DIP2B: variants seen among roughly 807,000 people sequenced by gnomAD.
DIP2B encodes DIP2 acetate--CoA ligase B (putative), also known as disco-interacting protein 2 homolog B.
DIP2B carries 76 observed loss-of-function variants against 198.0 expected under a neutral mutation model. The ratio of observed to expected loss-of-function variants is 0.38; its 90% confidence interval spans 0.32 to 0.46. The LOEUF is 0.46. Ranked by LOEUF, DIP2B falls within the 20% of genes least tolerant of loss-of-function variation. DIP2B has a pLI of 0.99. For synonymous variants in DIP2B, 701 were observed against 739.1 expected (o/e 0.95, Z 0.84); for missense variants, 1,559 against 1,978.4 (o/e 0.79, Z 4.02).
intron 9 of DIP2B, 54 bp downstream of exon 9, chr12:50,680,817 G>T (rs1051136357): frequency 7.7e-6 from 11 of 1,421,340 alleles, no homozygotes; most frequent in Non-Finnish European, 9.8e-6. Flanking sequence ...TTTCTAATAT[G>T]CTAATATTCT....
At chr12:50,577,382 A>T (rs1051114473) in intron 1 of DIP2B, among the ~76,000 whole-genome samples, 7 of 151,924 alleles carry the variant, frequency 4.6e-5, no homozygotes, top group African/African-American at 1.7e-4. Flanking sequence ...ATACAAAAAA[A>T]ATTTAGCCAG....
At position 50,702,345 on chromosome 12, in the gene DIP2B, CA is replaced by C. The variant is rs373533798; in HGVS notation, c.2326-1785del. Among the ~76,000 whole-genome samples the C allele has an allele frequency of 5.0e-3, 701 of 141,316 alleles. 8 individuals are homozygous for C. Among genetic ancestry groups the C allele is most frequent in the African/African-American group, 0.017 (652 of 38,480 alleles). The allele number at this position is 141,316 out of a possible 152,430, so 92.7% of individuals were successfully genotyped here. A position where few individuals can be genotyped will look rare whatever the true frequency, so the allele number is the denominator to read the frequency against. On this transcript the variant is annotated intron_variant, in intron 19 of 37. Coordinates refer to ENST00000301180, the MANE Select transcript of DIP2B (RefSeq NM_173602.3). ...TGGGCGACAGAGCGAGACTCTGTCT[CA>C]AAAAAAAAAGAGTTCAAGACCAGCC...
chr12:50,736,705 T>C (rs962362725), intron 34 of DIP2B, among the ~76,000 whole-genome samples: 1 of 152,186 alleles, frequency 6.6e-6, no homozygotes, highest in Non-Finnish European at 1.5e-5. Flanking sequence ...AGAAAGAACA[T>C]GAAAAGGGAA....
At chr12:50,695,796 A>G (rs977667471) in intron 15 of DIP2B, 52 bp from the exon 16 acceptor site, 16 of 1,604,922 alleles carry the variant, frequency 1.0e-5, no homozygotes, top group Admixed American at 6.8e-5. Flanking sequence ...GGTGTATTAC[A>G]TATGTCCCAA....
chr12:50,701,752 T>G (rs1939421503), intron 19 of DIP2B, among the ~76,000 whole-genome samples: 1 of 152,092 alleles, frequency 6.6e-6, no homozygotes, highest in Admixed American at 6.6e-5. Flanking sequence ...AGAAAAACTT[T>G]TGTGACATGT....
chr12:50,585,230 T>TA (rs1433062779), intron 1 of DIP2B, among the ~76,000 whole-genome samples: 3 of 152,218 alleles, frequency 2.0e-5, no homozygotes, highest in African/African-American at 7.2e-5. Flanking sequence ...TTCCAGCAAA[T>TA]ATTGATTGAG....
intron 4 of DIP2B, among the ~76,000 whole-genome samples, chr12:50,662,993 C>T (rs956050349): frequency 2.0e-5 from 3 of 152,270 alleles, no homozygotes; most frequent in South Asian, 2.1e-4. Context: ...CCTATAGTCC[C>T]AGCCACTCAG....
chr12:50,640,271 G>A (rs534155601), intron 2 of DIP2B, among the ~76,000 whole-genome samples: 86 of 152,166 alleles, frequency 5.7e-4, no homozygotes, highest in Middle Eastern at 3.2e-3. Flanking sequence ...GATGAGTCCA[G>A]TTGGAAGAGG....
intron 1 of DIP2B, among the ~76,000 whole-genome samples, chr12:50,566,275 A>C (rs1190621768): frequency 2.0e-5 from 3 of 152,184 alleles, no homozygotes; most frequent in Non-Finnish European, 2.9e-5. Flanking sequence ...CCTGGGCTCA[A>C]GGAGTCTGCC....
chr12:50,536,394 A>G (rs1009568982), intron 1 of DIP2B, among the ~76,000 whole-genome samples: 7 of 152,170 alleles, frequency 4.6e-5, no homozygotes. Flanking sequence ...CAGTGATCAT[A>G]GCAGTGAGCT....
intron 37 of DIP2B, 76 bp from the exon 38 acceptor site, chr12:50,744,511 T>C (rs533946013): frequency 6.3e-7 from 1 of 1,576,704 alleles, no homozygotes; most frequent in East Asian, 2.3e-5. Flanking sequence ...GGAAATGGGC[T>C]AAGTCTGGGA....
At chr12:50,648,875 GA>G (rs1347792981) in intron 3 of DIP2B, among the ~76,000 whole-genome samples, 2 of 152,050 alleles carry the variant, frequency 1.3e-5, no homozygotes, top group Non-Finnish European at 2.9e-5. Context: ...TAGAAAACTC[GA>G]GAGAATCAAT....
At chr12:50,593,886 C>T (rs183420764) in intron 1 of DIP2B, among the ~76,000 whole-genome samples, 18 of 16,930 alleles carry the variant, frequency 1.1e-3, no homozygotes, top group Non-Finnish European at 1.3e-3. Context: ...CCTCCCCTCT[C>T]CTCCCCTCCC....
intron 1 of DIP2B, among the ~76,000 whole-genome samples, chr12:50,623,437 A>ACACACACTCTCT (rs1308369241): frequency 2.8e-4 from 16 of 57,160 alleles, no homozygotes; most frequent in African/African-American, 1.0e-3. Context: ...ACACACACAC[A>ACACACACTCTCT]CTCTCTCTCT....
intron 3 of DIP2B, among the ~76,000 whole-genome samples, chr12:50,652,356 C>T (rs1199628481): frequency 6.7e-6 from 1 of 148,248 alleles, no homozygotes; most frequent in Non-Finnish European, 1.5e-5. Flanking sequence ...TACACACACA[C>T]ACACACACAC....
intron 3 of DIP2B, among the ~76,000 whole-genome samples, chr12:50,652,988 G>A (rs912511546): frequency 3.3e-5 from 5 of 151,104 alleles, no homozygotes; most frequent in African/African-American, 1.2e-4. Flanking sequence ...CTGTTGCCTA[G>A]GCTGGAGTGC....
intron 15 of DIP2B, 89 bp from the exon 16 acceptor site, chr12:50,695,759 C>T: frequency 6.5e-7 from 1 of 1,539,532 alleles, no homozygotes; most frequent in Non-Finnish European, 8.8e-7. Flanking sequence ...TCATGATTCC[C>T]CAAATAAGTA....
intron 3 of DIP2B, among the ~76,000 whole-genome samples, chr12:50,652,473 T>C (rs979879375): frequency 6.6e-6 from 1 of 151,680 alleles, no homozygotes; most frequent in Non-Finnish European, 1.5e-5. Flanking sequence ...GAGGCAGAGG[T>C]TGCAGTGAAC....
At chr12:50,513,966 T>C (rs543640818) in intron 1 of DIP2B, among the ~76,000 whole-genome samples, 2 of 152,226 alleles carry the variant, frequency 1.3e-5, no homozygotes, top group Admixed American at 6.5e-5. Context: ...ATTGGTCTGA[T>C]TGTAGTCTCT....
Sources: gnomAD v4.1 joint callset for allele counts (sites outside exome capture counted in the v4.1 genomes callset) on GRCh38, gnomAD v4.1.1 for gene constraint, MANE v1.5 for transcripts, NCBI Gene and HGNC (gene_info 2026-07-23, HGNC 2026-07-21) for gene names.